MFHAS1: variants seen among roughly 807,000 people sequenced by gnomAD.
MFHAS1 encodes the protein malignant fibrous histiocytoma-amplified sequence 1.
A neutral mutation model predicts 70.4 loss-of-function variants in MFHAS1; 50 were observed. That is an observed-to-expected ratio of 0.71 (90% CI 0.57 to 0.90). The LOEUF (loss-of-function observed/expected upper bound fraction) is 0.90. Ranked by LOEUF, MFHAS1 falls within the 40% of genes least tolerant of loss-of-function variation. The pLI, the probability that MFHAS1 is intolerant of heterozygous loss-of-function variation, is 0.00. For missense variants in MFHAS1, 1,795 were observed against 1,347.6 expected, an observed-to-expected ratio of 1.33 and a Z score of -5.20; for synonymous variants, 952 against 620.0, an observed-to-expected ratio of 1.54 and a Z score of -7.96.
intron 1 of MFHAS1, among the ~76,000 whole-genome samples, chr8:8,847,990 C>G (rs76236018): frequency 0.045 from 6,924 of 152,282 alleles, 482 homozygotes; most frequent in African/African-American, 0.15. Context: ...TCCAAACATC[C>G]TTCCCTGTTA....
intron 1 of MFHAS1, among the ~76,000 whole-genome samples, chr8:8,858,380 C>G (rs1465913725): frequency 6.6e-6 from 1 of 151,764 alleles, no homozygotes; most frequent in Admixed American, 6.6e-5. Flanking sequence ...TTTGAAAATT[C>G]TAATAAATGA....
In MFHAS1 at chr8:8,892,355, C is replaced by G; in HGVS notation, c.704G>C (p.Ser235Thr). ...GGGCAGCGTGCCAAGCTCGGCCCCA[C>G]TCAGCCAGAGGATCTTGAGGGCACG... ...ALRALKILWLSGAELGTLPAG... is the reference protein window; with the variant it reads ...ALRALKILWLTGAELGTLPAG... Residue 235 changes from serine (S) to threonine (T), a missense_variant, in exon 1 of 3, where the codon AGT becomes ACT. Physicochemically the swap from Ser to Thr is moderately conservative, Grantham distance 58. Coordinates refer to ENST00000276282, the MANE Select transcript of MFHAS1 (RefSeq NM_004225.3). This position sits in a 1 kb window ranked among gnomAD's most constrained non-coding sequence, Gnocchi z 4.7. 1 of 1,612,226 alleles carries G rather than the reference C, an allele frequency of 6.2e-7. No homozygotes were observed. Among genetic ancestry groups the G allele is most frequent in the Non-Finnish European group, 8.5e-7 (1 of 1,179,940 alleles).
chr8:8,879,962 TA>T (rs940550768), intron 1 of MFHAS1, among the ~76,000 whole-genome samples: 1 of 152,036 alleles, frequency 6.6e-6, no homozygotes, highest in African/African-American at 2.4e-5. Context: ...AATTTATCTT[TA>T]AAAAAAAGCT....
In MFHAS1 at chr8:8,790,254, C is replaced by T. The variant is rs186571376; in HGVS notation, c.3126-4199G>A. 36 of 417,134 alleles carry T rather than the reference C, an allele frequency of 8.6e-5. 1 individual carries two copies. The highest frequency in any genetic ancestry group is 1.1e-4 in the Non-Finnish European group (33 of 310,776). The allele number at this position is 417,134 out of a possible 1,614,324, so 25.8% of individuals were successfully genotyped here. Reference sequence around the variant, plus strand: ...TTCATCCCAACACCCCCATATCCCCCCTAATCTCTCTGAGTCCTCAAGAGG... The same window carrying T: ...TTCATCCCAACACCCCCATATCCCCTCTAATCTCTCTGAGTCCTCAAGAGG... On this transcript the variant is annotated intron_variant, in intron 2 of 2. Transcript: ENST00000276282.
intron 1 of MFHAS1, among the ~76,000 whole-genome samples, chr8:8,876,521 G>C (rs1288352873): frequency 1.3e-5 from 2 of 151,976 alleles, no homozygotes; most frequent in Non-Finnish European, 2.9e-5. Context: ...GACTGCCTCA[G>C]GTCAGCAGTT....
At position 8,783,873 on chromosome 8, in the gene MFHAS1, T is replaced by C. The variant is rs1467477800; in HGVS notation, c.*2149A>G. 6.6e-6 allele frequency: 1 copy of C among 152,106 alleles called. No homozygotes were observed. Among genetic ancestry groups the C allele is most frequent in the African/African-American group, 2.4e-5 (1 of 41,414 alleles). 9.4% of individuals were successfully genotyped at this position (152,106 alleles called of 1,614,324 possible). A position where few individuals can be genotyped will look rare whatever the true frequency, so the allele number is the denominator to read the frequency against. Reference sequence around the variant, plus strand: ...AACCCTCCTCCCAACTTGAAACAAATTCTCAAGCTTCTCTGGAGCATCTTT... The same window carrying C: ...AACCCTCCTCCCAACTTGAAACAAACTCTCAAGCTTCTCTGGAGCATCTTT... On this transcript the variant is annotated 3_prime_UTR_variant, in exon 3 of 3. Coordinates refer to ENST00000276282, the MANE Select transcript of MFHAS1 (RefSeq NM_004225.3).
intron 2 of MFHAS1, among the ~76,000 whole-genome samples, chr8:8,794,064 C>G (rs1805809117): frequency 6.6e-6 from 1 of 152,084 alleles, no homozygotes; most frequent in South Asian, 2.1e-4. Flanking sequence ...GTTGTGTGCG[C>G]CTGTAGTCCT....
chr8:8,796,532 A>G (rs1414366089), intron 2 of MFHAS1, among the ~76,000 whole-genome samples: 3 of 148,530 alleles, frequency 2.0e-5, no homozygotes, highest in African/African-American at 7.5e-5. Flanking sequence ...AAATACAAAA[A>G]AATTAGCCGG....
intron 1 of MFHAS1, among the ~76,000 whole-genome samples, chr8:8,837,194 G>A (rs1464499896): frequency 8.5e-5 from 13 of 152,130 alleles, no homozygotes; most frequent in Admixed American, 8.5e-4. Flanking sequence ...TGATACAAAT[G>A]TTCTGCTGAG....
At chr8:8,820,560 G>A (rs1312619056) in intron 1 of MFHAS1, among the ~76,000 whole-genome samples, 2 of 152,104 alleles carry the variant, frequency 1.3e-5, no homozygotes, top group Admixed American at 1.3e-4. Context: ...TTTTACGTAA[G>A]TAGACTAATA....
At chr8:8,800,100 G>A (rs1563179614) in intron 1 of MFHAS1, among the ~76,000 whole-genome samples, 2 of 152,148 alleles carry the variant, frequency 1.3e-5, no homozygotes, top group East Asian at 3.9e-4. Flanking sequence ...TCCTAAATGA[G>A]CAATCTAAAA....
At chr8:8,855,958 C>A (rs755488385) in intron 1 of MFHAS1, among the ~76,000 whole-genome samples, 47 of 152,220 alleles carry the variant, frequency 3.1e-4, no homozygotes, top group Non-Finnish European at 5.0e-4. Context: ...CTGGCCATAA[C>A]AGATTCAGAA....
At chr8:8,816,255 A>C (rs1296385789) in intron 1 of MFHAS1, among the ~76,000 whole-genome samples, 2 of 152,212 alleles carry the variant, frequency 1.3e-5, no homozygotes, top group African/African-American at 4.8e-5. Flanking sequence ...TGTATATATC[A>C]AAATCTATCA....
At chr8:8,881,345 C>A (rs895470012) in intron 1 of MFHAS1, among the ~76,000 whole-genome samples, 1 of 152,214 alleles carries the variant, frequency 6.6e-6, no homozygotes, top group African/African-American at 2.4e-5. Flanking sequence ...CTGTTATCCA[C>A]GCAGCCACCA....
chr8:8,832,086 A>G (rs886241823), intron 1 of MFHAS1, among the ~76,000 whole-genome samples: 1 of 151,602 alleles, frequency 6.6e-6, no homozygotes, highest in African/African-American at 2.4e-5. Context: ...ACACACACAC[A>G]CACGCACCAA....
intron 1 of MFHAS1, among the ~76,000 whole-genome samples, chr8:8,869,407 G>A (rs1159695181): frequency 3.9e-5 from 6 of 152,070 alleles, no homozygotes; most frequent in South Asian, 2.1e-4. Context: ...CCAAGCACGC[G>A]ACAATCAGCA....
At position 8,785,908 on chromosome 8, in the gene MFHAS1, C is replaced by T. The variant is rs1490854049; in HGVS notation, c.*114G>A. On this transcript the variant is annotated 3_prime_UTR_variant, in exon 3 of 3. Transcript: ENST00000276282. ...AAAGCACCCTGCAAGCACGCGTTGT[C>T]ACTCAAGTTCACAGAACACGCTGGG... 1.2e-6 allele frequency: 1 copy of T among 824,974 alleles called. No individual in the cohort carries two copies. Among genetic ancestry groups the T allele is most frequent in the African/African-American group, 1.8e-5 (1 of 56,762 alleles). The allele number at this position is 824,974 out of a possible 1,614,324, so 51.1% of individuals were successfully genotyped here.
In MFHAS1 at chr8:8,862,960, G is replaced by C. The variant is rs576012377; in HGVS notation, c.2998+27101C>G. 1.1e-4 allele frequency among the ~76,000 whole-genome samples: 16 copies of C among 152,244 alleles called. No individual in the cohort carries two copies. In the East Asian group the frequency reaches 2.9e-3, roughly 28 times the overall value. ...TAAGAGTTTCTCCTATGCTTCCTTG[G>C]TAAGACTGTATATTTTTAGCACTTA... On this transcript the variant is annotated intron_variant, in intron 1 of 2. Transcript: ENST00000276282.
At chr8:8,796,347 C>G (rs1017757744) in intron 2 of MFHAS1, among the ~76,000 whole-genome samples, 1 of 152,158 alleles carries the variant, frequency 6.6e-6, no homozygotes, top group Non-Finnish European at 1.5e-5. Flanking sequence ...AATGGGCCTG[C>G]GCTGGTTTTT....
Sources: gnomAD v4.1 joint callset for allele counts (sites outside exome capture counted in the v4.1 genomes callset) on GRCh38, gnomAD v4.1.1 for gene constraint, Gnocchi (gnomAD v3.1) non-coding constraint, MANE v1.5 for transcripts, NCBI Gene and HGNC (gene_info 2026-07-23, HGNC 2026-07-21) for gene names.